The following NSD1 variants were observed in gnomAD, a reference collection of about 807,000 sequenced individuals.
NSD1 encodes histone-lysine N-methyltransferase, H3 lysine-36 specific.
A neutral mutation model predicts 242.7 loss-of-function variants in NSD1; 26 were observed. The observed-to-expected ratio is 0.11, with a 90% CI of 0.08 to 0.15. The LOEUF (loss-of-function observed/expected upper bound fraction) is 0.15, where lower values mean the gene tolerates loss of function less well. NSD1 is among the 10% of genes least tolerant of loss of function. The pLI is 1.00. For synonymous variants in NSD1, 1,106 were observed against 1,178.1 expected (o/e 0.94, Z 1.25); for missense variants, 2,495 against 3,272.8 (o/e 0.76, Z 5.80).
At chr5:177,176,426 T>C (rs938733475) in intron 2 of NSD1, among the ~76,000 whole-genome samples, 3 of 133,264 alleles carry the variant, frequency 2.3e-5, no homozygotes, top group Non-Finnish European at 5.0e-5. Flanking sequence ...CTGGCTATTC[T>C]TTTTTTTTTT....
rs372507320 is a variant in NSD1 at position 177,238,006 on chromosome 5, T to G, written c.3922-231T>G. On this transcript the variant is annotated intron_variant, in intron 6 of 22. Transcript: ENST00000439151. This position sits in a 1 kb window ranked among gnomAD's most constrained non-coding sequence, Gnocchi z 4.6. Reference sequence around the variant, plus strand: ...CAGCCCCTGGCAATTGCCATTCTATTTTCTGTCTCAAGAATTTTCTTATTC... The same window carrying G: ...CAGCCCCTGGCAATTGCCATTCTATGTTCTGTCTCAAGAATTTTCTTATTC... Among the ~76,000 whole-genome samples the G allele has an allele frequency of 1.1e-4, 16 of 152,302 alleles. No individual in the cohort carries two copies. The highest frequency in any genetic ancestry group is 3.8e-4 in the African/African-American group (16 of 41,574).
At chr5:177,277,829 A>C (rs1758522693) in intron 17 of NSD1, among the ~76,000 whole-genome samples, 3 of 152,214 alleles carry the variant, frequency 2.0e-5, no homozygotes, top group African/African-American at 7.2e-5. Context: ...TGGGGGACAG[A>C]GTAAGACCCT....
Position 177,295,473 on chromosome 5 carries a change from C to T in NSD1, c.*14C>T. On this transcript the variant is annotated 3_prime_UTR_variant, in exon 23 of 23. Transcript: ENST00000439151. The surrounding 1 kb of genome is among the most constrained non-coding windows in gnomAD (Gnocchi z 4.3). ...GAACAGAAGTAGTACCAATCAATGT[C>T]ACATGAACAAACAAGCTGCCCCCAG... 1.2e-6 allele frequency: 2 copies of T among 1,613,160 alleles called. No homozygotes were observed. Among genetic ancestry groups the T allele is most frequent in the Non-Finnish European group, 1.7e-6 (2 of 1,179,488 alleles).
intron 14 of NSD1, among the ~76,000 whole-genome samples, chr5:177,262,590 GC>G (rs1378768133): frequency 3.3e-5 from 5 of 152,218 alleles, no homozygotes; most frequent in African/African-American, 1.2e-4. Context: ...CAATAATACA[GC>G]TACAAGGCTG....
intron 13 of NSD1, 75 bp downstream of exon 13, chr5:177,257,226 T>TTA: frequency 1.3e-5 from 15 of 1,195,896 alleles, no homozygotes; most frequent in Non-Finnish European, 1.8e-5. Context: ...TCTTTTTTCT[T>TTA]TCTTTTTTTT....
chr5:177,159,844 C>T (rs1036031348), intron 2 of NSD1, among the ~76,000 whole-genome samples: 1 of 151,990 alleles, frequency 6.6e-6, no homozygotes, highest in Non-Finnish European at 1.5e-5. Context: ...CTGCCTCGGC[C>T]TCCCAAAGTG....
intron 22 of NSD1, 116 bp downstream of exon 22, chr5:177,292,274 G>C: frequency 1.0e-6 from 1 of 968,388 alleles, no homozygotes; most frequent in East Asian, 2.6e-5. Context: ...GCATAATTTT[G>C]AGGGGTATGG....
At chr5:177,196,841 C>T (rs552928684) in intron 3 of NSD1, among the ~76,000 whole-genome samples, 1 of 152,080 alleles carries the variant, frequency 6.6e-6, no homozygotes, top group East Asian at 1.9e-4. Context: ...GAGAATGTGG[C>T]TAGAGTACAG....
intron 2 of NSD1, among the ~76,000 whole-genome samples, chr5:177,149,224 G>GT (rs34743257): frequency 0.046 from 6,505 of 142,798 alleles, 160 homozygotes; most frequent in Middle Eastern, 0.085. Context: ...ATTATGTTTT[G>GT]TTTTTTTTTT....
chr5:177,165,535 A>G (rs1759112372), intron 2 of NSD1, among the ~76,000 whole-genome samples: 1 of 152,074 alleles, frequency 6.6e-6, no homozygotes, highest in Non-Finnish European at 1.5e-5. Flanking sequence ...ATCCTTAACT[A>G]GGGATATGAT....
intron 2 of NSD1, among the ~76,000 whole-genome samples, chr5:177,181,802 C>G (rs1351472525): frequency 6.7e-6 from 1 of 150,270 alleles, no homozygotes; most frequent in East Asian, 2.0e-4. Context: ...CTTGAGAGGC[C>G]AAGGCAGGTG....
At chr5:177,293,195 A>G (rs900062056) in intron 22 of NSD1, among the ~76,000 whole-genome samples, 1 of 152,174 alleles carries the variant, frequency 6.6e-6, no homozygotes, top group African/African-American at 2.4e-5. Context: ...AGGTGGAAAC[A>G]CTGTCCCTGG....
chr5:177,204,319 G>C, intron 4 of NSD1, 27 bp downstream of exon 4: 1 of 1,601,276 alleles, frequency 6.2e-7, no homozygotes, highest in Non-Finnish European at 8.6e-7. Context: ...GCTTTTTATT[G>C]AGTGACAGAA....
chr5:177,251,574 G>T (rs1202874051), intron 11 of NSD1, among the ~76,000 whole-genome samples, 156 bp from the exon 12 acceptor site: 2 of 152,170 alleles, frequency 1.3e-5, no homozygotes, highest in Non-Finnish European at 2.9e-5. Context: ...GTACACCTTT[G>T]TAACTAGACT....
chr5:177,266,469 G>T, intron 14 of NSD1: 1 of 618,460 alleles, frequency 1.6e-6, no homozygotes, highest in Non-Finnish European at 3.0e-6. Context: ...TGCCGAAGTG[G>T]GCGTAGGAGT....
chr5:177,265,581 T>C (rs1217630316), intron 14 of NSD1: 3 of 1,244,454 alleles, frequency 2.4e-6, no homozygotes, highest in Non-Finnish European at 3.5e-6. Context: ...CAGCACATCC[T>C]GTAGTCTGTG....
chr5:177,265,128 A>G, intron 14 of NSD1: 2 of 756,586 alleles, frequency 2.6e-6, no homozygotes, highest in South Asian at 1.4e-5. Context: ...GAGAAAGTTA[A>G]CCTGGGTTCA....
At chr5:177,280,026 G>A (rs1295890784) in intron 17 of NSD1, among the ~76,000 whole-genome samples, 5 of 132,484 alleles carry the variant, frequency 3.8e-5, no homozygotes, top group Non-Finnish European at 7.6e-5. Context: ...TTTTGTGACC[G>A]AGAGACCGAG....
At chr5:177,202,444 T>C (rs761803747) in intron 3 of NSD1, among the ~76,000 whole-genome samples, 5 of 152,140 alleles carry the variant, frequency 3.3e-5, no homozygotes, top group Admixed American at 6.6e-5. Flanking sequence ...AGTGGCGTGA[T>C]AATGGCTCAC....
Sources: gnomAD v4.1 joint callset for allele counts (sites outside exome capture counted in the v4.1 genomes callset) on GRCh38, gnomAD v4.1.1 for gene constraint, Gnocchi (gnomAD v3.1) non-coding constraint, MANE v1.5 for transcripts, NCBI Gene and HGNC (gene_info 2026-07-23, HGNC 2026-07-21) for gene names.